NOVA1: variants seen among roughly 807,000 people sequenced by gnomAD.
NOVA1 encodes NOVA alternative splicing regulator 1.
NOVA1 carries 7 observed loss-of-function variants against 38.0 expected under a neutral mutation model. The observed-to-expected ratio is 0.18, with a 90% CI of 0.10 to 0.35. NOVA1 has a LOEUF of 0.35. NOVA1 is among the 10% of genes least tolerant of loss of function. The pLI is 1.00. For missense variants in NOVA1, 460 were observed against 616.0 expected (o/e 0.75, Z 2.68); for synonymous variants, 270 against 232.5 (o/e 1.16, Z -1.47).
At chr14:26,511,755 G>GAA (rs201869885) in intron 2 of NOVA1, among the ~76,000 whole-genome samples, 3 of 142,488 alleles carry the variant, frequency 2.1e-5, no homozygotes, top group East Asian at 4.1e-4. Flanking sequence ...TGTCTCAAAA[G>GAA]AAAAAAAAAA....
chr14:26,482,786 C>T (rs572677992), intron 2 of NOVA1, among the ~76,000 whole-genome samples: 1 of 152,062 alleles, frequency 6.6e-6, no homozygotes, highest in South Asian at 2.1e-4. Flanking sequence ...CAGCCTCGAC[C>T]ACCTGGGCTC....
rs188623581 is a variant in NOVA1, at chr14:26,565,740, C to G, written c.280+29670G>C. Among the ~76,000 whole-genome samples, 730 of 152,226 alleles carry G rather than the reference C, an allele frequency of 4.8e-3. 4 individuals are homozygous for G. The highest frequency in any genetic ancestry group is 6.6e-3 in the Non-Finnish European group (449 of 68,002). ...AATCACCAACAAATGGATAAGCTAA[C>G]ACCAGTACCACCACATTCTCTCATT... On this transcript the variant is annotated intron_variant, in intron 2 of 4. Coordinates refer to ENST00000539517, the MANE Select transcript of NOVA1 (RefSeq NM_002515.3).
At chr14:26,467,182 T>C (rs950639893) in intron 4 of NOVA1, among the ~76,000 whole-genome samples, 31 of 152,118 alleles carry the variant, frequency 2.0e-4, no homozygotes, top group African/African-American at 6.8e-4. Flanking sequence ...CAAAGGATTC[T>C]GAGAAGAAGC....
At position 26,507,569 on chromosome 14, in the gene NOVA1, T is replaced by G. The variant is rs1232346153; in HGVS notation, c.281-27426A>C. 1.6e-4 allele frequency among the ~76,000 whole-genome samples: 24 copies of G among 152,190 alleles called. 1 individual carries two copies. Among genetic ancestry groups the G allele is most frequent in the Non-Finnish European group, 1.5e-5 (1 of 68,014 alleles). On this transcript the variant is annotated intron_variant, in intron 2 of 4. Coordinates refer to ENST00000539517, the MANE Select transcript of NOVA1 (RefSeq NM_002515.3). ...ATTTCATTATTTTTATTGTGTTTCA[T>G]GAATTCTACCCTTTGGAAACAGATA...
intron 2 of NOVA1, among the ~76,000 whole-genome samples, chr14:26,583,821 G>C (rs956651042): frequency 6.7e-6 from 1 of 150,274 alleles, no homozygotes; most frequent in African/African-American, 2.4e-5. Context: ...AATTTTCACT[G>C]ACATAGCTTA....
At chr14:26,524,574 C>G (rs1460529899) in intron 2 of NOVA1, among the ~76,000 whole-genome samples, 1 of 152,140 alleles carries the variant, frequency 6.6e-6, no homozygotes, top group Non-Finnish European at 1.5e-5. Context: ...ATCACCTTAT[C>G]AAAAGTAGCC....
At chr14:26,491,596 G>T (rs535295517) in intron 2 of NOVA1, among the ~76,000 whole-genome samples, 47 of 151,972 alleles carry the variant, frequency 3.1e-4, no homozygotes, top group Non-Finnish European at 5.4e-4. Flanking sequence ...TTAGGTTGTT[G>T]ATCTATTTTG....
At chr14:26,497,798 T>TA (rs1029751798) in intron 2 of NOVA1, among the ~76,000 whole-genome samples, 2 of 152,066 alleles carry the variant, frequency 1.3e-5, no homozygotes, top group African/African-American at 2.4e-5. Flanking sequence ...GTCACCGTAA[T>TA]AAAAAAATAT....
At chr14:26,496,640 G>C (rs1886814461) in intron 2 of NOVA1, among the ~76,000 whole-genome samples, 1 of 152,164 alleles carries the variant, frequency 6.6e-6, no homozygotes, top group Non-Finnish European at 1.5e-5. Context: ...TAACGTTTAA[G>C]TCTTTAATCC....
At chr14:26,577,831 T>C (rs1956808) in intron 2 of NOVA1, among the ~76,000 whole-genome samples, 5,143 of 152,170 alleles carry the variant, frequency 0.034, 221 homozygotes, top group African/African-American at 0.099. Context: ...ATAGAAGTGA[T>C]ATAAAGCAGG....
intron 2 of NOVA1, among the ~76,000 whole-genome samples, chr14:26,485,564 T>G (rs887667716): frequency 3.3e-5 from 5 of 152,066 alleles, no homozygotes; most frequent in Non-Finnish European, 5.9e-5. Flanking sequence ...AAAAATATTT[T>G]TTGTTGTGGT....
intron 2 of NOVA1, chr14:26,594,080 T>C (rs529946756): frequency 6.6e-6 from 1 of 152,110 alleles, no homozygotes; most frequent in South Asian, 2.1e-4. Context: ...AATGTGAATA[T>C]GTTAGCAAAC....
chr14:26,462,949 T>C (rs1051511826), intron 4 of NOVA1, among the ~76,000 whole-genome samples: 1 of 152,192 alleles, frequency 6.6e-6, no homozygotes, highest in African/African-American at 2.4e-5. Context: ...ATGTAGTGAT[T>C]TTCATATTCC....
In NOVA1 at chr14:26,447,923, G is replaced by T. The variant is rs765098992; in HGVS notation, c.*36C>A. On this transcript the variant is annotated 3_prime_UTR_variant, in exon 5 of 5. Transcript: ENST00000539517. ...CATCCTTCTTGAAAATGGGGTAAAG[G>T]AGGGGTTAAAACAATCTGATGTGTA... 6.5e-7 allele frequency: 1 copy of T among 1,548,554 alleles called. No homozygotes were observed. The highest frequency in any genetic ancestry group is 8.9e-7 in the Non-Finnish European group (1 of 1,122,822).
At position 26,594,880 on chromosome 14, in the gene NOVA1, C is replaced by T. The variant is rs567081027; in HGVS notation, c.280+530G>A. Among the ~76,000 whole-genome samples, 17 of 152,150 alleles carry T rather than the reference C, an allele frequency of 1.1e-4. No homozygotes were observed. The East Asian group carries it at 3.3e-3, about 29-fold the overall frequency. ...AGTATAAATTTCCTTATATCAATTG[C>T]ATTAAAACTGCAATATTTAAAAAAT... On this transcript the variant is annotated intron_variant, in intron 2 of 4. Coordinates refer to ENST00000539517, the MANE Select transcript of NOVA1 (RefSeq NM_002515.3).
Position 26,444,856 on chromosome 14 carries a change from C to CAA in NOVA1, c.*3101_*3102dup, listed in dbSNP as rs1368997770. On this transcript the variant is annotated 3_prime_UTR_variant, in exon 5 of 5. Coordinates refer to ENST00000539517, the MANE Select transcript of NOVA1 (RefSeq NM_002515.3). ...AAAAACAAAAAAACAAACAAACAAA[C>CAA]AAACAAAAAAAAAACAAAAAAACTG... The CAA allele has an allele frequency of 1.4e-5, 2 of 141,652 alleles. No individual in the cohort carries two copies. Among genetic ancestry groups the CAA allele is most frequent in the Non-Finnish European group, 3.0e-5 (2 of 66,734 alleles). 8.8% of individuals were successfully genotyped at this position (141,652 alleles called of 1,614,324 possible).
intron 2 of NOVA1, among the ~76,000 whole-genome samples, chr14:26,590,843 A>T (rs888841703): frequency 1.3e-4 from 19 of 151,812 alleles, no homozygotes; most frequent in African/African-American, 4.6e-4. Context: ...AAGCCCAGAA[A>T]GCATCAAAAA....
intron 2 of NOVA1, among the ~76,000 whole-genome samples, chr14:26,500,775 A>G (rs919757289): frequency 9.2e-5 from 14 of 152,134 alleles, no homozygotes; most frequent in African/African-American, 3.4e-4. Flanking sequence ...TTGTTTTAAG[A>G]TAAGTTGAAG....
At chr14:26,476,012 T>C (rs1285550460) in intron 3 of NOVA1, among the ~76,000 whole-genome samples, 1 of 152,206 alleles carries the variant, frequency 6.6e-6, no homozygotes, top group East Asian at 1.9e-4. Flanking sequence ...CTATTACTAG[T>C]GAAGTAACAT....
Sources: allele counts gnomAD v4.1 joint callset (sites outside exome capture counted in the v4.1 genomes callset), GRCh38; gene constraint gnomAD v4.1.1; transcripts MANE v1.5; gene names NCBI Gene and HGNC (gene_info 2026-07-23, HGNC 2026-07-21).